The following CCDC85C variants were observed in gnomAD, a reference collection of about 807,000 sequenced individuals.
The protein encoded by CCDC85C is coiled-coil domain containing 85C.
In CCDC85C, 18 loss-of-function variants were observed where a neutral mutation model predicts 38.3. The observed-to-expected ratio is 0.47, with a 90% CI of 0.33 to 0.70. CCDC85C has a LOEUF of 0.70. Ranked by LOEUF, CCDC85C falls within the 30% of genes least tolerant of loss-of-function variation. CCDC85C has a pLI of 0.03. For synonymous variants in CCDC85C, 264 were observed against 293.8 expected (o/e 0.90, Z 1.04); for missense variants, 566 against 621.2 (o/e 0.91, Z 0.94).
At chr14:99,515,598 T>TG (rs1470891651) in intron 5 of CCDC85C, among the ~76,000 whole-genome samples, 1 of 152,092 alleles carries the variant, frequency 6.6e-6, no homozygotes, top group Non-Finnish European at 1.5e-5. Flanking sequence ...CACTAGGTGA[T>TG]GCGGGGGAGG....
Position 99,558,111 on chromosome 14 carries a change from CCA to C in CCDC85C, c.794-22025_794-22024del, listed in dbSNP as rs1898047107. ...ATTCTGGAAAAACCTGGACAAACCTCCACAGTTTCTCAGGGTCTCCTTGAAAC... is the reference window on the plus strand; with the variant it reads ...ATTCTGGAAAAACCTGGACAAACCTCCAGTTTCTCAGGGTCTCCTTGAAAC... On this transcript the variant is annotated intron_variant, in intron 1 of 5. Transcript: ENST00000380243. This position sits in a 1 kb window ranked among gnomAD's most constrained non-coding sequence, Gnocchi z 4.2. Among the ~76,000 whole-genome samples the C allele has an allele frequency of 6.6e-6, 1 of 152,198 alleles. No homozygotes were observed. Among genetic ancestry groups the C allele is most frequent in the African/African-American group, 2.4e-5 (1 of 41,454 alleles).
chr14:99,517,312 C>G (rs1030744584), intron 3 of CCDC85C, 129 bp from the exon 4 acceptor site: 10 of 700,010 alleles, frequency 1.4e-5, no homozygotes, highest in African/African-American at 9.0e-5. Flanking sequence ...CGGGGTGAGG[C>G]AGAGGAGGCA....
At position 99,568,484 on chromosome 14, in the gene CCDC85C, T is replaced by C. The variant is rs577440437; in HGVS notation, c.794-32396A>G. ...GCATATCCCGCCTCCCCAGCTTCCT[T>C]GGGGGGTGGGAGGCAAGCCCTTGCA... On this transcript the variant is annotated intron_variant, in intron 1 of 5. Transcript: ENST00000380243. Among the ~76,000 whole-genome samples the C allele has an allele frequency of 9.8e-4, 149 of 152,008 alleles. 1 individual carries two copies. The highest frequency in any genetic ancestry group is 2.0e-3 in the Non-Finnish European group (134 of 67,938).
chr14:99,543,463 C>T (rs1033637087), intron 1 of CCDC85C, among the ~76,000 whole-genome samples: 5 of 152,138 alleles, frequency 3.3e-5, no homozygotes, highest in African/African-American at 7.2e-5. Flanking sequence ...TCTACTGCAA[C>T]GCAAAGAGTG....
Position 99,542,812 on chromosome 14 carries a change from C to T in CCDC85C, c.794-6724G>A, listed in dbSNP as rs74084061. Among the ~76,000 whole-genome samples, 1,238 of 152,324 alleles carry T rather than the reference C, an allele frequency of 8.1e-3. 19 individuals are homozygous for T. The highest frequency in any genetic ancestry group is 0.028 in the African/African-American group (1,163 of 41,574). On this transcript the variant is annotated intron_variant, in intron 1 of 5. Coordinates refer to ENST00000380243, the MANE Select transcript of CCDC85C (RefSeq NM_001144995.2). Reference sequence around the variant, plus strand: ...GGTCCTGCAGCTGCATGTTCCTGGCCGCCCTACACCTCTGAGGCATGAGCA... The same window carrying T: ...GGTCCTGCAGCTGCATGTTCCTGGCTGCCCTACACCTCTGAGGCATGAGCA...
Position 99,513,917 on chromosome 14 carries a change from A to G in CCDC85C, c.*1329T>C, listed in dbSNP as rs1897179589. The G allele has an allele frequency of 6.6e-6, 1 of 152,238 alleles. No homozygotes were observed. Among genetic ancestry groups the G allele is most frequent in the Non-Finnish European group, 1.5e-5 (1 of 68,092 alleles). 9.4% of individuals were successfully genotyped at this position (152,238 alleles called of 1,614,324 possible). A position where few individuals can be genotyped will look rare whatever the true frequency, so the allele number is the denominator to read the frequency against. ...CCTCACACACACAGTTTTCTATTGCACTTTACAGTTTATACATGGTCATTT... is the reference window on the plus strand; with the variant it reads ...CCTCACACACACAGTTTTCTATTGCGCTTTACAGTTTATACATGGTCATTT... On this transcript the variant is annotated 3_prime_UTR_variant, in exon 6 of 6. Transcript: ENST00000380243.
Position 99,500,940 on chromosome 14 carries a change from A to G in CCDC85C, c.*14306T>C, listed in dbSNP as rs931036385. ...AGTCTTTATAATTTGATGACACTCAAATTACGCTTCTCAAAAGCGGAAAAC... is the reference window on the plus strand; with the variant it reads ...AGTCTTTATAATTTGATGACACTCAGATTACGCTTCTCAAAAGCGGAAAAC... On this transcript the variant is annotated 3_prime_UTR_variant, in exon 6 of 6. Transcript: ENST00000380243. 1.0e-6 allele frequency: 1 copy of G among 957,228 alleles called. No individual in the cohort carries two copies. 59.3% of individuals were successfully genotyped at this position (957,228 alleles called of 1,614,324 possible).
rs913769670 is a variant in CCDC85C, at chr14:99,598,718, C to G, written c.793+4449G>C. On this transcript the variant is annotated intron_variant, in intron 1 of 5. Transcript: ENST00000380243. ...AGACCCAAGACGCATCCCAGGCCCC[C>G]CAATCAGCCCCACAGGACCTAGAGC... is the stretch of plus-strand genomic sequence containing the variant. Among the ~76,000 whole-genome samples the G allele has an allele frequency of 3.9e-5, 6 of 152,320 alleles. No homozygotes were observed. The East Asian group carries it at 7.7e-4, about 20-fold the overall frequency.
chr14:99,579,311 C>T (rs909229541), intron 1 of CCDC85C, among the ~76,000 whole-genome samples: 41 of 152,236 alleles, frequency 2.7e-4, no homozygotes, highest in African/African-American at 7.7e-4. Context: ...GACGCAGTGT[C>T]CCTGTGCACA....
At position 99,509,781 on chromosome 14, in the gene CCDC85C, C is replaced by T. The variant is rs1026478870; in HGVS notation, c.*5465G>A. 1 of 291,254 alleles carries T rather than the reference C, an allele frequency of 3.4e-6. No homozygotes were observed. Among genetic ancestry groups the T allele is most frequent in the African/African-American group, 2.2e-5 (1 of 45,436 alleles). The allele number at this position is 291,254 out of a possible 1,614,324, so 18.0% of individuals were successfully genotyped here. A position where few individuals can be genotyped will look rare whatever the true frequency, so the allele number is the denominator to read the frequency against. On this transcript the variant is annotated 3_prime_UTR_variant, in exon 6 of 6. Coordinates refer to ENST00000380243, the MANE Select transcript of CCDC85C (RefSeq NM_001144995.2). ...TGCTGCAGACAGGAGTTCAGTGTGG[C>T]CCTGACCCCTGGGGTCAGTTTCTGA...
At chr14:99,578,145 C>G (rs1311220478) in intron 1 of CCDC85C, among the ~76,000 whole-genome samples, 1 of 146,626 alleles carries the variant, frequency 6.8e-6, no homozygotes, top group Non-Finnish European at 1.5e-5. Context: ...CACATCTCCA[C>G]ACCCATACAG....
chr14:99,531,583 T>TGG (rs544106430), intron 2 of CCDC85C, among the ~76,000 whole-genome samples: 79 of 90,760 alleles, frequency 8.7e-4, no homozygotes, highest in African/African-American at 2.7e-3. Flanking sequence ...AGGCCATGGG[T>TGG]GGGGGGGGGG....
At chr14:99,547,468 G>A (rs1029280757) in intron 1 of CCDC85C, among the ~76,000 whole-genome samples, 7 of 151,736 alleles carry the variant, frequency 4.6e-5, no homozygotes, top group East Asian at 1.9e-4. Context: ...GCAACTCTGC[G>A]ACTATACTGA....
At position 99,572,865 on chromosome 14, in the gene CCDC85C, A is replaced by T; in HGVS notation, c.793+30302T>A. 1 of 455,538 alleles carries T rather than the reference A, an allele frequency of 2.2e-6. No individual in the cohort carries two copies. Among genetic ancestry groups the T allele is most frequent in the East Asian group, 6.9e-5 (1 of 14,392 alleles). 28.2% of individuals were successfully genotyped at this position (455,538 alleles called of 1,614,324 possible). A position where few individuals can be genotyped will look rare whatever the true frequency, so the allele number is the denominator to read the frequency against. On this transcript the variant is annotated intron_variant, in intron 1 of 5. Transcript: ENST00000380243. The surrounding 1 kb of genome is among the most constrained non-coding windows in gnomAD (Gnocchi z 4.4). ...GCAACAGGTGCTCAGTAAACGGCTAAGGAAGGAATGTCTGCCCAAGTCCCA... is the reference window on the plus strand; with the variant it reads ...GCAACAGGTGCTCAGTAAACGGCTATGGAAGGAATGTCTGCCCAAGTCCCA...
At chr14:99,555,788 C>G (rs1897999071) in intron 1 of CCDC85C, among the ~76,000 whole-genome samples, 1 of 152,222 alleles carries the variant, frequency 6.6e-6, no homozygotes, top group South Asian at 2.1e-4. Flanking sequence ...CTCCAAGAGC[C>G]TCCCGCAAAC....
At position 99,502,946 on chromosome 14, in the gene CCDC85C, C is replaced by T. The variant is rs778725600; in HGVS notation, c.*12300G>A. On this transcript the variant is annotated 3_prime_UTR_variant, in exon 6 of 6. Coordinates refer to ENST00000380243, the MANE Select transcript of CCDC85C (RefSeq NM_001144995.2). ...AGCCCAACAGCCCAAGAAACCCTCT[C>T]CGCAGCCCAGTTCTCCCCGACAGGT... is the stretch of plus-strand genomic sequence containing the variant. The T allele has an allele frequency of 1.2e-6, 2 of 1,613,950 alleles. No homozygotes were observed. The highest frequency in any genetic ancestry group is 1.1e-5 in the South Asian group (1 of 91,080).
intron 5 of CCDC85C, among the ~76,000 whole-genome samples, 173 bp from the exon 6 acceptor site, chr14:99,515,508 C>T (rs960999457): frequency 4.6e-5 from 7 of 152,190 alleles, no homozygotes; most frequent in Non-Finnish European, 7.4e-5. Context: ...CTTTGCATGC[C>T]GCGCTAACTA....
intron 1 of CCDC85C, among the ~76,000 whole-genome samples, chr14:99,598,053 A>C (rs1054381423): frequency 6.6e-6 from 1 of 152,180 alleles, no homozygotes; most frequent in African/African-American, 2.4e-5. Context: ...CCCTGGAGGC[A>C]GATCACTAAC....
In CCDC85C at chr14:99,501,512, C is replaced by T; in HGVS notation, c.*13734G>A. The T allele has an allele frequency of 1.2e-6, 1 of 841,544 alleles. No individual in the cohort carries two copies. The highest frequency in any genetic ancestry group is 2.5e-5 in the East Asian group (1 of 40,062). 52.1% of individuals were successfully genotyped at this position (841,544 alleles called of 1,614,324 possible). On this transcript the variant is annotated 3_prime_UTR_variant, in exon 6 of 6. Transcript: ENST00000380243. ...ACCCCTCATTTTGTGTCAGAAGAAA[C>T]TGACTTGCCCTGGCTTGAGGAGCCA...
Sources: allele counts gnomAD v4.1 joint callset (sites outside exome capture counted in the v4.1 genomes callset), GRCh38; gene constraint gnomAD v4.1.1; non-coding constraint Gnocchi (gnomAD v3.1); transcripts MANE v1.5; gene names NCBI Gene and HGNC (gene_info 2026-07-23, HGNC 2026-07-21).